AGPS: variants seen among roughly 807,000 people sequenced by gnomAD.
AGPS encodes the protein alkyldihydroxyacetonephosphate synthase, peroxisomal.
Under a neutral mutation model 90.7 loss-of-function variants are expected in AGPS, and 26 were observed. That is an observed-to-expected ratio of 0.29 (90% CI 0.21 to 0.40). The LOEUF (loss-of-function observed/expected upper bound fraction) is 0.40, where lower values mean the gene tolerates loss of function less well. AGPS is among the 10% of genes least tolerant of loss of function. AGPS has a pLI of 1.00. For synonymous variants in AGPS, 294 were observed against 285.3 expected (o/e 1.03, Z -0.31); for missense variants, 540 against 816.1 (o/e 0.66, Z 4.12).
intron 13 of AGPS, among the ~76,000 whole-genome samples, chr2:177,499,260 A>G (rs906956219): frequency 2.0e-5 from 3 of 151,850 alleles, no homozygotes; most frequent in East Asian, 1.9e-4. Context: ...TTCCCGCCCA[A>G]TATATCCAGC....
At chr2:177,430,707 G>A (rs564598098) in intron 2 of AGPS, among the ~76,000 whole-genome samples, 53 of 152,202 alleles carry the variant, frequency 3.5e-4, no homozygotes, top group African/African-American at 1.1e-3. Flanking sequence ...ATGTGAGAAC[G>A]TGGATATTTT....
intron 14 of AGPS, 86 bp from the exon 15 acceptor site, chr2:177,505,420 C>T: frequency 8.3e-7 from 1 of 1,204,996 alleles, no homozygotes; most frequent in Non-Finnish European, 1.2e-6. Context: ...GTTATTCAAA[C>T]TTATTCTCTT....
intron 10 of AGPS, among the ~76,000 whole-genome samples, chr2:177,481,319 A>G (rs1279000711): frequency 6.6e-6 from 1 of 151,770 alleles, no homozygotes; most frequent in Non-Finnish European, 1.5e-5. Flanking sequence ...TTTCCTCTCT[A>G]ATTAGTCCCT....
chr2:177,482,558 T>G (rs555445152), intron 11 of AGPS, among the ~76,000 whole-genome samples: 1 of 152,146 alleles, frequency 6.6e-6, no homozygotes, highest in African/African-American at 2.4e-5. Flanking sequence ...TGAAGTGATA[T>G]TTAATTTAAA....
At chr2:177,415,782 A>T (rs919024276) in intron 1 of AGPS, among the ~76,000 whole-genome samples, 11 of 152,152 alleles carry the variant, frequency 7.2e-5, no homozygotes, top group African/African-American at 2.7e-4. Flanking sequence ...CTAATTCATG[A>T]TGAAAAGTAA....
At chr2:177,469,366 G>A (rs1391928737) in intron 10 of AGPS, among the ~76,000 whole-genome samples, 1 of 152,088 alleles carries the variant, frequency 6.6e-6, no homozygotes, top group Non-Finnish European at 1.5e-5. Context: ...TAAGATGTTA[G>A]GCATAAATTC....
At chr2:177,414,936 A>G (rs908213101) in intron 1 of AGPS, among the ~76,000 whole-genome samples, 1 of 140,128 alleles carries the variant, frequency 7.1e-6, no homozygotes, top group African/African-American at 2.8e-5. Context: ...TGTATATAAT[A>G]TACATATATG....
intron 11 of AGPS, among the ~76,000 whole-genome samples, chr2:177,490,292 A>G (rs920976964): frequency 6.6e-6 from 1 of 152,190 alleles, no homozygotes; most frequent in African/African-American, 2.4e-5. Flanking sequence ...ATCAATTACC[A>G]GGAGATCATA....
intron 8 of AGPS, among the ~76,000 whole-genome samples, chr2:177,447,724 G>A (rs151043646): frequency 6.6e-6 from 1 of 151,892 alleles, no homozygotes; most frequent in African/African-American, 2.4e-5. Context: ...CCTAAATGCC[G>A]ATATAGAACT....
At chr2:177,401,898 A>G (rs773861935) in intron 1 of AGPS, among the ~76,000 whole-genome samples, 4 of 152,144 alleles carry the variant, frequency 2.6e-5, no homozygotes, top group Non-Finnish European at 5.9e-5. Flanking sequence ...TTGATATTAT[A>G]TTGATATCAC....
intron 2 of AGPS, among the ~76,000 whole-genome samples, chr2:177,426,517 T>C (rs374994526): frequency 3.3e-5 from 5 of 152,240 alleles, no homozygotes; most frequent in East Asian, 3.8e-4. Flanking sequence ...TGGTATAATA[T>C]TGACTATGAG....
chr2:177,393,157 G>T (rs527617657), intron 1 of AGPS, 108 bp downstream of exon 1: 6 of 1,547,766 alleles, frequency 3.9e-6, no homozygotes, highest in Non-Finnish European at 5.2e-6. Context: ...TGGGCGGAAG[G>T]CATCCCGGTC....
intron 10 of AGPS, among the ~76,000 whole-genome samples, chr2:177,475,787 AT>A (rs1687763470): frequency 6.6e-6 from 1 of 151,884 alleles, no homozygotes; most frequent in Admixed American, 6.6e-5. Flanking sequence ...ACATATTTTT[AT>A]TTTTGGGGGT....
intron 9 of AGPS, among the ~76,000 whole-genome samples, chr2:177,465,480 G>A (rs113442028): frequency 3.3e-5 from 5 of 152,236 alleles, no homozygotes; most frequent in Non-Finnish European, 5.9e-5. Context: ...GGCCTGGCAG[G>A]CTGTGCTTGG....
At chr2:177,393,876 C>T (rs1161273118) in intron 1 of AGPS, among the ~76,000 whole-genome samples, 1 of 151,548 alleles carries the variant, frequency 6.6e-6, no homozygotes, top group Non-Finnish European at 1.5e-5. Flanking sequence ...GCTTTGTCAC[C>T]GTGGATAAAT....
rs1352792445 is a variant in AGPS at position 177,539,400 on chromosome 2, T to G, written c.*1205T>G. 1 of 152,072 alleles carries G rather than the reference T, an allele frequency of 6.6e-6. No homozygotes were observed. Among genetic ancestry groups the G allele is most frequent in the Non-Finnish European group, 1.5e-5 (1 of 67,926 alleles). 9.4% of individuals were successfully genotyped at this position (152,072 alleles called of 1,614,324 possible). A position where few individuals can be genotyped will look rare whatever the true frequency, so the allele number is the denominator to read the frequency against. On this transcript the variant is annotated 3_prime_UTR_variant, in exon 20 of 20. Coordinates refer to ENST00000264167, the MANE Select transcript of AGPS (RefSeq NM_003659.4). ...ATCACATTTAGCAAGCATTTGTACA[T>G]TCAAACCTGGATATTAAAGTGAAAT...
intron 2 of AGPS, among the ~76,000 whole-genome samples, chr2:177,430,236 G>A (rs1686200115): frequency 6.6e-6 from 1 of 152,198 alleles, no homozygotes; most frequent in African/African-American, 2.4e-5. Flanking sequence ...TCTCCAGATT[G>A]TTGCACTGGC....
intron 13 of AGPS, among the ~76,000 whole-genome samples, chr2:177,498,065 G>A (rs529444223): frequency 3.3e-5 from 5 of 151,830 alleles, no homozygotes; most frequent in Non-Finnish European, 3.0e-5. Context: ...AGTGAAATAA[G>A]AGTGTGGATT....
At chr2:177,461,002 AATAT>A (rs971905255) in intron 8 of AGPS, among the ~76,000 whole-genome samples, 19 of 152,246 alleles carry the variant, frequency 1.2e-4, no homozygotes, top group Admixed American at 1.2e-3. Context: ...CTTAAATACA[AATAT>A]ACAGACGTGG....
Sources: gnomAD v4.1 joint callset for allele counts (sites outside exome capture counted in the v4.1 genomes callset) on GRCh38, gnomAD v4.1.1 for gene constraint, MANE v1.5 for transcripts, NCBI Gene and HGNC (gene_info 2026-07-23, HGNC 2026-07-21) for gene names.